The following MAGI2 variants were observed in gnomAD, a reference collection of about 807,000 sequenced individuals.
MAGI2 encodes the protein membrane associated guanylate kinase, WW and PDZ domain containing 2.
Under a neutral mutation model 133.3 loss-of-function variants are expected in MAGI2, and 35 were observed. The ratio of observed to expected loss-of-function variants is 0.26; its 90% CI spans 0.20 to 0.35. MAGI2 has a LOEUF of 0.35. Ranked by LOEUF, MAGI2 falls within the 10% of genes least tolerant of loss-of-function variation. MAGI2 has a pLI of 1.00. For synonymous variants in MAGI2, 729 were observed against 710.6 expected, an observed-to-expected ratio of 1.03 and a Z score of -0.41; for missense variants, 1,636 against 1,863.4, an observed-to-expected ratio of 0.88 and a Z score of 2.25.
At chr7:79,403,337 C>T (rs566579202) in intron 1 of MAGI2, among the ~76,000 whole-genome samples, 3 of 152,082 alleles carry the variant, frequency 2.0e-5, no homozygotes, top group African/African-American at 7.2e-5. Context: ...TTTAGTGACT[C>T]AATATATCAG....
chr7:78,437,257 C>T (rs1800385156), intron 6 of MAGI2, among the ~76,000 whole-genome samples: 1 of 152,148 alleles, frequency 6.6e-6, no homozygotes, highest in Admixed American at 6.5e-5. Context: ...CCTCAAGAGA[C>T]AGGGCAGCTC....
chr7:78,454,868 C>T (rs1293204148), intron 6 of MAGI2, among the ~76,000 whole-genome samples: 1 of 151,962 alleles, frequency 6.6e-6, no homozygotes, highest in Non-Finnish European at 1.5e-5. Flanking sequence ...AAAGGCAAAA[C>T]TATAGAGATA....
intron 2 of MAGI2, among the ~76,000 whole-genome samples, chr7:79,002,860 A>AGTGTGT (rs4021172): frequency 0.022 from 2,877 of 133,594 alleles, 42 homozygotes; most frequent in Middle Eastern, 0.031. Context: ...TTTATTGAAA[A>AGTGTGT]GTGTGTGTGT....
chr7:78,160,823 G>A (rs1237559655), intron 15 of MAGI2, among the ~76,000 whole-genome samples: 2 of 152,180 alleles, frequency 1.3e-5, no homozygotes, highest in African/African-American at 4.8e-5. Flanking sequence ...AACAGCACAG[G>A]TGCCATCCAT....
At chr7:78,644,647 G>A (rs1448133435) in intron 2 of MAGI2, among the ~76,000 whole-genome samples, 2 of 152,074 alleles carry the variant, frequency 1.3e-5, no homozygotes, top group South Asian at 2.1e-4. Flanking sequence ...TGTTGCTAAA[G>A]CAAGAATTCA....
In MAGI2 at chr7:79,224,766, G is replaced by A. The variant is rs147716434; in HGVS notation, c.302-217560C>T. Among the ~76,000 whole-genome samples the A allele has an allele frequency of 2.1e-3, 318 of 152,298 alleles. 1 individual carries two copies. The highest frequency in any genetic ancestry group is 7.1e-3 in the African/African-American group (297 of 41,568). ...ATTTATGTGATAACTTGGAAAAGGC[G>A]AAATTGTGGGAACAGAAAATCTGTC... is the stretch of plus-strand genomic sequence containing the variant. On this transcript the variant is annotated intron_variant, in intron 1 of 21. Transcript: ENST00000354212.
At chr7:79,067,836 G>A (rs1169027155) in intron 1 of MAGI2, among the ~76,000 whole-genome samples, 1 of 152,170 alleles carries the variant, frequency 6.6e-6, no homozygotes, top group African/African-American at 2.4e-5. Context: ...TTTTGTCAAA[G>A]GCCTTTTCTG....
chr7:79,226,205 A>T (rs1456364580), intron 1 of MAGI2, among the ~76,000 whole-genome samples: 1 of 152,170 alleles, frequency 6.6e-6, no homozygotes, highest in Admixed American at 6.6e-5. Context: ...ATTTGTGTCT[A>T]AAAAAGTAGG....
intron 2 of MAGI2, among the ~76,000 whole-genome samples, chr7:78,995,064 A>C (rs1486703056): frequency 6.6e-6 from 1 of 152,156 alleles, no homozygotes; most frequent in African/African-American, 2.4e-5. Flanking sequence ...TAAAAAAATA[A>C]AATAAAAGGT....
intron 2 of MAGI2, among the ~76,000 whole-genome samples, chr7:78,918,114 T>C (rs1464599984): frequency 1.3e-5 from 2 of 152,168 alleles, no homozygotes; most frequent in Non-Finnish European, 2.9e-5. Flanking sequence ...GTCCCTGTCA[T>C]GAGTACAAAC....
At chr7:78,500,635 T>TA (rs751763923) in intron 5 of MAGI2, among the ~76,000 whole-genome samples, 4 of 152,172 alleles carry the variant, frequency 2.6e-5, no homozygotes, top group Non-Finnish European at 5.9e-5. Context: ...AAGATTAGGT[T>TA]GAGTATTACC....
intron 2 of MAGI2, among the ~76,000 whole-genome samples, chr7:78,899,576 T>C (rs1229769606): frequency 2.0e-5 from 3 of 152,270 alleles, no homozygotes; most frequent in South Asian, 4.1e-4. Context: ...CTCATAAAGC[T>C]GTTGGGGGTT....
chr7:78,834,307 T>G (rs913242322), intron 2 of MAGI2, among the ~76,000 whole-genome samples: 6 of 152,160 alleles, frequency 3.9e-5, no homozygotes, highest in Non-Finnish European at 8.8e-5. Flanking sequence ...TTTCAGAACA[T>G]CTTCACCCCG....
chr7:78,272,836 T>C (rs1794717954), intron 9 of MAGI2, among the ~76,000 whole-genome samples: 2 of 152,190 alleles, frequency 1.3e-5, no homozygotes, highest in Admixed American at 6.5e-5. Flanking sequence ...ATGTGTGTCT[T>C]TGCACGTGAG....
intron 1 of MAGI2, among the ~76,000 whole-genome samples, chr7:79,172,583 A>T (rs1825722808): frequency 6.6e-6 from 1 of 152,074 alleles, no homozygotes; most frequent in Admixed American, 6.6e-5. Context: ...AGAATAGTTG[A>T]GTAAAATATG....
At position 78,607,102 on chromosome 7, in the gene MAGI2, T is replaced by C. The variant is rs1374987464; in HGVS notation, c.538+20018A>G. 2.0e-5 allele frequency among the ~76,000 whole-genome samples: 3 copies of C among 152,212 alleles called. No homozygotes were observed. In the East Asian group the frequency reaches 5.8e-4, roughly 29 times the overall value. On this transcript the variant is annotated intron_variant, in intron 3 of 21. Coordinates refer to ENST00000354212, the MANE Select transcript of MAGI2 (RefSeq NM_012301.4). ...TTCCTTGTTATGTATGTCTGTTTAT[T>C]ATACTAGAGGTGGGCATTGTTTGGC...
intron 10 of MAGI2, among the ~76,000 whole-genome samples, chr7:78,213,751 T>C (rs1395579025): frequency 6.6e-6 from 1 of 152,254 alleles, no homozygotes; most frequent in Non-Finnish European, 1.5e-5. Context: ...CATAAATCTT[T>C]GTCGATCATG....
intron 1 of MAGI2, among the ~76,000 whole-genome samples, chr7:79,368,302 C>A (rs1356908780): frequency 6.6e-6 from 1 of 152,036 alleles, no homozygotes; most frequent in African/African-American, 2.4e-5. Flanking sequence ...TTTGTACTTT[C>A]CCTAGACAGA....
At chr7:79,012,788 T>TTAGGTGGCTTCAGCAAC (rs11272377) in intron 1 of MAGI2, among the ~76,000 whole-genome samples, 113,235 of 151,912 alleles carry the variant, frequency 0.75, 42,432 homozygotes, top group East Asian at 0.82. Flanking sequence ...ATACCATAGA[T>TTAGGTGGCTTCAGCAAC]TAATCTGTAT....
Sources: allele counts gnomAD v4.1 joint callset (sites outside exome capture counted in the v4.1 genomes callset), GRCh38; gene constraint gnomAD v4.1.1; transcripts MANE v1.5; gene names NCBI Gene and HGNC (gene_info 2026-07-23, HGNC 2026-07-21).